The following CPNE8 variants were observed in gnomAD, a reference collection of about 807,000 sequenced individuals.
CPNE8 encodes copine-8.
Under a neutral mutation model 81.5 loss-of-function variants are expected in CPNE8, and 45 were observed. That is an observed-to-expected ratio of 0.55 (90% CI 0.44 to 0.71). The LOEUF (loss-of-function observed/expected upper bound fraction) is 0.71, where lower values mean the gene tolerates loss of function less well. CPNE8 is among the 30% of genes least tolerant of loss of function. CPNE8 has a pLI of 0.00. For synonymous variants in CPNE8, 252 were observed against 226.3 expected (o/e 1.11, Z -1.02); for missense variants, 594 against 672.1 (o/e 0.88, Z 1.28).
chr12:38,795,638 T>A (rs1942442256), intron 6 of CPNE8, among the ~76,000 whole-genome samples: 1 of 152,112 alleles, frequency 6.6e-6, no homozygotes, highest in East Asian at 1.9e-4. Flanking sequence ...TACTGTATAA[T>A]CCCACATATA....
At chr12:38,795,288 C>T (rs1942432980) in intron 6 of CPNE8, among the ~76,000 whole-genome samples, 1 of 152,152 alleles carries the variant, frequency 6.6e-6, no homozygotes, top group South Asian at 2.1e-4. Flanking sequence ...AGTTCTGTCC[C>T]TCTAGAGAAC....
chr12:38,660,495 T>G (rs1249684070), intron 19 of CPNE8, among the ~76,000 whole-genome samples: 2 of 152,130 alleles, frequency 1.3e-5, no homozygotes, highest in South Asian at 4.1e-4. Context: ...AATCTTAGAC[T>G]TAAAACCATA....
intron 13 of CPNE8, among the ~76,000 whole-genome samples, chr12:38,717,279 C>A (rs921204351): frequency 6.6e-6 from 1 of 151,326 alleles, no homozygotes; most frequent in Non-Finnish European, 1.5e-5. Context: ...TCAGCAATCC[C>A]ACTACTGGGT....
chr12:38,676,531 GGT>G (rs1939293472), intron 17 of CPNE8, among the ~76,000 whole-genome samples: 1 of 152,040 alleles, frequency 6.6e-6, no homozygotes, highest in Admixed American at 6.6e-5. Flanking sequence ...TTATACCCAA[GGT>G]TAGAAAAAGC....
chr12:38,840,501 T>A (rs990627935), intron 4 of CPNE8, among the ~76,000 whole-genome samples: 1 of 152,174 alleles, frequency 6.6e-6, no homozygotes, highest in Admixed American at 6.5e-5. Flanking sequence ...TCCTGTATTA[T>A]TTTTTACAAC....
intron 6 of CPNE8, among the ~76,000 whole-genome samples, chr12:38,812,770 C>G (rs1316191391): frequency 6.6e-6 from 1 of 152,224 alleles, no homozygotes; most frequent in African/African-American, 2.4e-5. Context: ...TTCTGCTCTT[C>G]TGCCATGTGA....
At chr12:38,716,301 A>G (rs1940389928) in intron 13 of CPNE8, among the ~76,000 whole-genome samples, 1 of 152,062 alleles carries the variant, frequency 6.6e-6, no homozygotes, top group South Asian at 2.1e-4. Context: ...ACACTATCCT[A>G]AAAATCATAT....
chr12:38,753,779 GTATAT>G (rs926054752), intron 10 of CPNE8, among the ~76,000 whole-genome samples: 8 of 152,178 alleles, frequency 5.3e-5, no homozygotes, highest in South Asian at 2.1e-4. Context: ...TTGTATTACA[GTATAT>G]TATAATTGTT....
At chr12:38,894,044 A>C (rs1944350746) in intron 1 of CPNE8, among the ~76,000 whole-genome samples, 1 of 152,110 alleles carries the variant, frequency 6.6e-6, no homozygotes, top group Non-Finnish European at 1.5e-5. Flanking sequence ...TCCAATCATA[A>C]AATTATGAAC....
chr12:38,906,691 G>A (rs903479970), upstream of CPNE8: 1 of 760,320 alleles, frequency 1.3e-6, no homozygotes, highest in Non-Finnish European at 1.6e-6. Context: ...AAAGCATCCG[G>A]AGGTAGACGA....
In CPNE8 at chr12:38,856,249, G is replaced by A. The variant is rs549727179; in HGVS notation, c.187-7587C>T. On this transcript the variant is annotated intron_variant, in intron 3 of 19. Coordinates refer to ENST00000331366, the MANE Select transcript of CPNE8 (RefSeq NM_153634.3). ...CAAAAAGAAAAACCTGGGACTTGAC[G>A]GCTTCTCTGATGAATGCTACCGAAC... is the stretch of plus-strand genomic sequence containing the variant. 5.9e-5 allele frequency among the ~76,000 whole-genome samples: 9 copies of A among 152,078 alleles called. No homozygotes were observed. In the South Asian group the frequency reaches 6.2e-4, roughly 11 times the overall value.
chr12:38,716,359 G>T (rs775884410), intron 13 of CPNE8, among the ~76,000 whole-genome samples: 3 of 151,926 alleles, frequency 2.0e-5, no homozygotes, highest in Non-Finnish European at 2.9e-5. Context: ...TAAGCAAAAA[G>T]AACAAATCTG....
At chr12:38,676,574 G>A (rs1054642790) in intron 17 of CPNE8, among the ~76,000 whole-genome samples, 2 of 140,598 alleles carry the variant, frequency 1.4e-5, no homozygotes, top group Admixed American at 6.9e-5. Flanking sequence ...GAATACAAAT[G>A]ATCATTACAG....
At chr12:38,750,388 C>G (rs1382795582) in intron 10 of CPNE8, among the ~76,000 whole-genome samples, 1 of 152,156 alleles carries the variant, frequency 6.6e-6, no homozygotes, top group Non-Finnish European at 1.5e-5. Context: ...AATGGTAGAT[C>G]TGCTGAGAGC....
intron 6 of CPNE8, among the ~76,000 whole-genome samples, chr12:38,822,353 C>A (rs1227551546): frequency 6.6e-6 from 1 of 152,256 alleles, no homozygotes; most frequent in East Asian, 1.9e-4. Flanking sequence ...ATACTTACCA[C>A]TTTACATAAG....
Position 38,790,712 on chromosome 12 carries a change from T to G in CPNE8, c.408-14411A>C, listed in dbSNP as rs191964979. ...TATATCAAAACATCTCATATACACC[T>G]TAAATATATATACCACTATGTACCC... On this transcript the variant is annotated intron_variant, in intron 6 of 19. Transcript: ENST00000331366. Among the ~76,000 whole-genome samples, 284 of 151,742 alleles carry G rather than the reference T, an allele frequency of 1.9e-3. 1 individual carries two copies. Among genetic ancestry groups the G allele is most frequent in the African/African-American group, 6.6e-3 (275 of 41,518 alleles).
chr12:38,742,575 TG>T (rs1225572348), intron 10 of CPNE8, among the ~76,000 whole-genome samples: 2 of 151,576 alleles, frequency 1.3e-5, no homozygotes, highest in Non-Finnish European at 2.9e-5. Context: ...ATATACCTAA[TG>T]TAAATGACGA....
intron 13 of CPNE8, among the ~76,000 whole-genome samples, chr12:38,703,736 A>G (rs1444053901): frequency 6.6e-6 from 1 of 152,180 alleles, no homozygotes; most frequent in Non-Finnish European, 1.5e-5. Context: ...GAACTGATAA[A>G]TTCTGCAAAG....
intron 7 of CPNE8, among the ~76,000 whole-genome samples, chr12:38,768,835 C>T (rs1565605683): frequency 6.6e-6 from 1 of 152,006 alleles, no homozygotes. Flanking sequence ...AACAGGAAAG[C>T]TTAAAATGTT....
Sources: allele counts gnomAD v4.1 joint callset (sites outside exome capture counted in the v4.1 genomes callset), GRCh38; gene constraint gnomAD v4.1.1; transcripts MANE v1.5; gene names NCBI Gene and HGNC (gene_info 2026-07-23, HGNC 2026-07-21).